The following DLG2 variants were observed in gnomAD, a reference collection of about 807,000 sequenced individuals.
DLG2 encodes discs large MAGUK scaffold protein 2.
A neutral mutation model predicts 132.5 loss-of-function variants in DLG2; 45 were observed. The ratio of observed to expected loss-of-function variants is 0.34; its 90% CI spans 0.27 to 0.44. DLG2 has a LOEUF of 0.44. Among genes scored for constraint, DLG2 ranks in the 20% least tolerant of loss-of-function variants. DLG2 has a pLI of 1.00. For synonymous variants in DLG2, 424 were observed against 419.6 expected, an observed-to-expected ratio of 1.01 and a Z score of -0.13; for missense variants, 1,045 against 1,196.9, an observed-to-expected ratio of 0.87 and a Z score of 1.87.
chr11:84,687,015 GC>G (rs2099738802), intron 6 of DLG2: 1 of 151,820 alleles, frequency 6.6e-6, no homozygotes, highest in Non-Finnish European at 1.5e-5. Flanking sequence ...TCTGTAGATT[GC>G]CTTGCCATCT....
At chr11:83,464,741 C>G (rs141095059) in intron 26 of DLG2, among the ~76,000 whole-genome samples, 2 of 152,286 alleles carry the variant, frequency 1.3e-5, no homozygotes, top group African/African-American at 4.8e-5. Context: ...AATATTGCAC[C>G]GGACCAAATG....
intron 3 of DLG2, among the ~76,000 whole-genome samples, chr11:85,387,619 A>C (rs2152940252): frequency 6.6e-6 from 1 of 152,310 alleles, no homozygotes; most frequent in South Asian, 2.1e-4. Flanking sequence ...TAAGTCAAAT[A>C]TTTTGTTTAG....
At chr11:83,937,228 C>T (rs1199643966) in intron 14 of DLG2, among the ~76,000 whole-genome samples, 1 of 152,072 alleles carries the variant, frequency 6.6e-6, no homozygotes, top group Non-Finnish European at 1.5e-5. Context: ...TTGAAACCAG[C>T]CGGGCGCGGT....
intron 10 of DLG2, among the ~76,000 whole-genome samples, chr11:84,085,511 G>A (rs2096964363): frequency 1.3e-5 from 2 of 152,108 alleles, no homozygotes; most frequent in Admixed American, 1.3e-4. Flanking sequence ...CATGATAATA[G>A]CATTCTGAAC....
intron 8 of DLG2, among the ~76,000 whole-genome samples, chr11:84,227,075 G>T (rs1344253730): frequency 6.6e-6 from 1 of 151,622 alleles, no homozygotes; most frequent in East Asian, 1.9e-4. Flanking sequence ...ACAGAGCCAG[G>T]CTCCATCTTA....
chr11:84,910,420 A>AT (rs1259369046), intron 6 of DLG2, among the ~76,000 whole-genome samples: 1 of 152,118 alleles, frequency 6.6e-6, no homozygotes, highest in Non-Finnish European at 1.5e-5. Context: ...GTATTATAAA[A>AT]TTTTTTAGAC....
chr11:83,569,226 C>T (rs1259863077), intron 19 of DLG2, among the ~76,000 whole-genome samples: 2 of 151,420 alleles, frequency 1.3e-5, no homozygotes, highest in African/African-American at 4.8e-5. Context: ...GAATTTGATT[C>T]GTTTAACAAT....
At chr11:83,955,938 G>T (rs2086712341) in intron 14 of DLG2, among the ~76,000 whole-genome samples, 2 of 152,258 alleles carry the variant, frequency 1.3e-5, no homozygotes, top group South Asian at 4.1e-4. Context: ...ACTTGGACTG[G>T]CTTCCTTGCC....
At chr11:84,989,550 GA>G (rs2056866145) in intron 6 of DLG2, among the ~76,000 whole-genome samples, 1 of 152,132 alleles carries the variant, frequency 6.6e-6, no homozygotes, top group Non-Finnish European at 1.5e-5. Flanking sequence ...TCCCCAAACT[GA>G]TAAAGATTTA....
chr11:84,903,013 T>C (rs1232901961), intron 6 of DLG2, among the ~76,000 whole-genome samples: 1 of 151,272 alleles, frequency 6.6e-6, no homozygotes, highest in Non-Finnish European at 1.5e-5. Context: ...TCTGAAGCAT[T>C]ACAATAGCTT....
At chr11:84,687,852 A>G (rs1460589444) in intron 6 of DLG2, among the ~76,000 whole-genome samples, 2 of 152,214 alleles carry the variant, frequency 1.3e-5, no homozygotes, top group Non-Finnish European at 2.9e-5. Context: ...CTAATCAGGA[A>G]AATAGTGTTT....
At chr11:84,966,522 G>A (rs2053370446) in intron 6 of DLG2, among the ~76,000 whole-genome samples, 1 of 152,098 alleles carries the variant, frequency 6.6e-6, no homozygotes, top group Non-Finnish European at 1.5e-5. Context: ...GGAAGGATTG[G>A]AAGACGAATC....
chr11:83,711,094 G>T (rs769015525), intron 18 of DLG2, among the ~76,000 whole-genome samples: 4 of 152,074 alleles, frequency 2.6e-5, no homozygotes, highest in Non-Finnish European at 5.9e-5. Flanking sequence ...AGCCTCAGCA[G>T]TCACCAACCC....
At position 85,583,048 on chromosome 11, in the gene DLG2, G is replaced by GA. The variant is rs869261514; in HGVS notation, c.40+15608dup. ...GGGAATCAAGAACTAGAAACCAGGG[G>GA]AAAAAAAAAATATATATATATATAT... On this transcript the variant is annotated intron_variant, in intron 3 of 27. Coordinates refer to ENST00000376104, the MANE Select transcript of DLG2 (RefSeq NM_001142699.3). Among the ~76,000 whole-genome samples, 718 of 91,490 alleles carry GA rather than the reference G, an allele frequency of 7.8e-3. 12 individuals carry two copies. Among genetic ancestry groups the GA allele is most frequent in the Middle Eastern group, 0.019 (3 of 160 alleles). The allele number at this position is 91,490 out of a possible 152,430, so 60.0% of individuals were successfully genotyped here.
chr11:84,066,822 A>G (rs1307705615), intron 10 of DLG2, among the ~76,000 whole-genome samples: 1 of 152,162 alleles, frequency 6.6e-6, no homozygotes, highest in Non-Finnish European at 1.5e-5. Flanking sequence ...ACAACTTTGC[A>G]GCAGCTGTTG....
At chr11:84,494,852 T>C (rs2099176426) in intron 7 of DLG2, among the ~76,000 whole-genome samples, 1 of 152,188 alleles carries the variant, frequency 6.6e-6, no homozygotes, top group Admixed American at 6.5e-5. Context: ...GGAGCCTCCC[T>C]GCCCCAATTT....
chr11:84,660,699 C>A (rs1053926671), intron 6 of DLG2, among the ~76,000 whole-genome samples: 2 of 152,120 alleles, frequency 1.3e-5, no homozygotes, highest in Admixed American at 1.3e-4. Context: ...TACGCATTTT[C>A]ATATGAAAGC....
chr11:83,554,497 A>T (rs998341870), intron 19 of DLG2, among the ~76,000 whole-genome samples: 3 of 152,250 alleles, frequency 2.0e-5, no homozygotes, highest in African/African-American at 7.2e-5. Context: ...TGGTATACAG[A>T]TACATGAAAA....
chr11:85,610,708 G>T (rs2080933844), intron 2 of DLG2, among the ~76,000 whole-genome samples: 1 of 152,202 alleles, frequency 6.6e-6, no homozygotes, highest in Non-Finnish European at 1.5e-5. Context: ...GCTAATCAAG[G>T]GTACAAGGCA....
Sources: gnomAD v4.1 joint callset for allele counts (sites outside exome capture counted in the v4.1 genomes callset) on GRCh38, gnomAD v4.1.1 for gene constraint, MANE v1.5 for transcripts, NCBI Gene and HGNC (gene_info 2026-07-23, HGNC 2026-07-21) for gene names.